The following SRFBP1 variants were observed in gnomAD, a reference collection of about 807,000 sequenced individuals.
SRFBP1 encodes the protein serum response factor binding protein 1, also known as serum response factor-binding protein 1.
In SRFBP1, 47 loss-of-function variants were observed where a neutral mutation model predicts 45.5. The observed-to-expected ratio is 1.03, with a 90% CI of 0.82 to 1.32. The LOEUF (loss-of-function observed/expected upper bound fraction) is 1.32, where lower values mean the gene tolerates loss of function less well. Among genes scored for constraint, SRFBP1 ranks in the 40% most tolerant of loss-of-function variants. The pLI, the probability that SRFBP1 is intolerant of heterozygous loss-of-function variation, is 0.00. For missense variants in SRFBP1, 621 were observed against 484.6 expected, an observed-to-expected ratio of 1.28 and a Z score of -2.64; for synonymous variants, 203 against 166.3, an observed-to-expected ratio of 1.22 and a Z score of -1.70.
intron 4 of SRFBP1, among the ~76,000 whole-genome samples, chr5:122,010,571 C>T (rs890084495): frequency 1.1e-4 from 17 of 152,110 alleles, no homozygotes; most frequent in African/African-American, 3.9e-4. Flanking sequence ...AAAGCTATTA[C>T]TTCCTCCAGT....
At chr5:121,969,724 A>G (rs997434064) in intron 1 of SRFBP1, among the ~76,000 whole-genome samples, 3 of 152,048 alleles carry the variant, frequency 2.0e-5, no homozygotes, top group Non-Finnish European at 1.5e-5. Flanking sequence ...ATTGTCTTAA[A>G]TGCATTCTCT....
intron 4 of SRFBP1, among the ~76,000 whole-genome samples, chr5:121,999,350 T>A (rs766145132): frequency 1.3e-5 from 2 of 152,160 alleles, no homozygotes; most frequent in Non-Finnish European, 2.9e-5. Flanking sequence ...TGATTTCTAT[T>A]CTTTTCAATG....
At chr5:122,064,152 A>G (rs946703127) in intron 2 of SRFBP1, 14 of 151,970 alleles carry the variant, frequency 9.2e-5, no homozygotes, top group African/African-American at 3.4e-4. Flanking sequence ...ATCTCCTGTC[A>G]GTACTCAACA....
intron 2 of SRFBP1, among the ~76,000 whole-genome samples, chr5:122,059,894 A>T (rs1754144504): frequency 6.6e-6 from 1 of 152,106 alleles, no homozygotes; most frequent in Non-Finnish European, 1.5e-5. Context: ...GGTCAGTGGG[A>T]AAGAGTAGCA....
At chr5:122,058,400 G>T (rs1177269362) in intron 2 of SRFBP1, among the ~76,000 whole-genome samples, 2 of 152,004 alleles carry the variant, frequency 1.3e-5, no homozygotes, top group African/African-American at 4.8e-5. Flanking sequence ...ATATTTGATT[G>T]ATTTCCTTGG....
chr5:121,994,599 G>C lies in SRFBP1; in HGVS notation c.199G>C (p.Glu67Gln), dbSNP rs1752682075. The C allele has an allele frequency of 1.3e-6, 2 of 1,587,478 alleles. No individual in the cohort carries two copies. Among genetic ancestry groups the C allele is most frequent in the African/African-American group, 1.4e-5 (1 of 73,498 alleles). Residue 67 changes from glutamate to glutamine, a missense_variant and splice_region_variant, in exon 4 of 8, where the codon GAA becomes CAA. Coordinates refer to ENST00000339397, the MANE Select transcript of SRFBP1 (RefSeq NM_152546.3). ...ATTAATTTGTTTTATTCTTTCACAG[G>C]AATTGAAACCTGACATAGTAACTAA... is the stretch of plus-strand genomic sequence containing the variant. ...RLLEEIHAMK[E>Q]LKPDIVTKSA... is the part of the protein sequence containing the mutation.
intron 3 of SRFBP1, among the ~76,000 whole-genome samples, chr5:121,977,966 G>A (rs1306386961): frequency 6.6e-6 from 1 of 152,032 alleles, no homozygotes; most frequent in Non-Finnish European, 1.5e-5. Flanking sequence ...TAGAAATATT[G>A]CCTTCTAAAA....
intron 2 of SRFBP1, among the ~76,000 whole-genome samples, chr5:122,072,267 A>C (rs1304448465): frequency 6.6e-6 from 1 of 152,184 alleles, no homozygotes; most frequent in East Asian, 1.9e-4. Flanking sequence ...ACTTAAGTAT[A>C]AGCTTTGATT....
chr5:122,025,109 C>T (rs1415720805), intron 7 of SRFBP1, among the ~76,000 whole-genome samples: 2 of 152,060 alleles, frequency 1.3e-5, no homozygotes, highest in Non-Finnish European at 2.9e-5. Flanking sequence ...TATCCCTCCC[C>T]ACTCCCCCCA....
At chr5:122,024,056 T>C (rs1324265383) in intron 7 of SRFBP1, among the ~76,000 whole-genome samples, 3 of 152,222 alleles carry the variant, frequency 2.0e-5, no homozygotes, top group Non-Finnish European at 4.4e-5. Context: ...ACTTACAGGT[T>C]ACTGTTTGGG....
intron 1 of SRFBP1, among the ~76,000 whole-genome samples, chr5:121,967,083 A>T (rs1331650985): frequency 6.6e-6 from 1 of 151,462 alleles, no homozygotes; most frequent in South Asian, 2.1e-4. Flanking sequence ...ATGAGCCACC[A>T]CGCCTGGCCT....
intron 3 of SRFBP1, among the ~76,000 whole-genome samples, chr5:121,982,982 C>A (rs1469800880): frequency 2.0e-5 from 3 of 151,574 alleles, no homozygotes; most frequent in Non-Finnish European, 4.4e-5. Context: ...TTTTGGACAA[C>A]CAATACTACT....
intron 2 of SRFBP1, among the ~76,000 whole-genome samples, chr5:122,062,650 A>T (rs1275705244): frequency 2.6e-5 from 4 of 152,028 alleles, no homozygotes; most frequent in Admixed American, 6.6e-5. Flanking sequence ...TGCCAGCCAG[A>T]AGTCTACATC....
intron 1 of SRFBP1, among the ~76,000 whole-genome samples, chr5:121,968,529 T>C (rs930614018): frequency 6.6e-6 from 1 of 152,194 alleles, no homozygotes; most frequent in African/African-American, 2.4e-5. Flanking sequence ...TACCTACAGA[T>C]CTTTTGCATT....
downstream of SRFBP1, among the ~76,000 whole-genome samples, chr5:122,032,954 T>TTTTG (rs947944807): frequency 1.2e-4 from 19 of 152,256 alleles, no homozygotes; most frequent in African/African-American, 4.3e-4. Context: ...TTTGTTTTTC[T>TTTTG]TTTGTTTGTT....
intron 2 of SRFBP1, among the ~76,000 whole-genome samples, chr5:122,046,785 C>G (rs1045504090): frequency 6.6e-6 from 1 of 152,240 alleles, no homozygotes; most frequent in Non-Finnish European, 1.5e-5. Flanking sequence ...ATTTGCACTT[C>G]TCTGATGGCC....
At chr5:122,049,962 G>T (rs951476911) in intron 2 of SRFBP1, among the ~76,000 whole-genome samples, 3 of 152,038 alleles carry the variant, frequency 2.0e-5, no homozygotes, top group African/African-American at 7.2e-5. Context: ...AAGGAGTGTT[G>T]AATTTAGTTG....
chr5:121,966,772 A>T (rs1439433850), intron 1 of SRFBP1, among the ~76,000 whole-genome samples: 11 of 150,216 alleles, frequency 7.3e-5, no homozygotes, highest in African/African-American at 2.0e-4. Context: ...ATTTTTTTTT[A>T]TTTTTTATTT....
intron 3 of SRFBP1, among the ~76,000 whole-genome samples, chr5:121,988,620 G>A (rs1360328061): frequency 1.3e-5 from 2 of 152,172 alleles, no homozygotes; most frequent in African/African-American, 2.4e-5. Context: ...TGTTAGTCAC[G>A]TAAGCATGAA....
Sources: gnomAD v4.1 joint callset for allele counts (sites outside exome capture counted in the v4.1 genomes callset) on GRCh38, gnomAD v4.1.1 for gene constraint, MANE v1.5 for transcripts, NCBI Gene and HGNC (gene_info 2026-07-23, HGNC 2026-07-21) for gene names.